The following SNX25 variants were observed in gnomAD, a reference collection of about 807,000 sequenced individuals.
SNX25 encodes sorting nexin 25, also known as sorting nexin-25.
SNX25 carries 62 observed loss-of-function variants against 113.7 expected under a neutral mutation model. The observed-to-expected ratio is 0.55, with a 90% CI of 0.44 to 0.67. The LOEUF is 0.67. SNX25 is among the 30% of genes least tolerant of loss of function. The pLI, the probability that SNX25 is intolerant of heterozygous loss-of-function variation, is 0.00. For missense variants in SNX25, 1,014 were observed against 1,161.0 expected (o/e 0.87, Z 1.84); for synonymous variants, 421 against 436.2 (o/e 0.97, Z 0.43).
chr4:185,246,439 G>A (rs1243099533), intron 1 of SNX25, among the ~76,000 whole-genome samples: 2 of 152,190 alleles, frequency 1.3e-5, no homozygotes, highest in Non-Finnish European at 1.5e-5. Context: ...TGCTTTGGCA[G>A]TCTGATGGTA....
At chr4:185,236,688 T>C (rs902456421) in intron 1 of SNX25, among the ~76,000 whole-genome samples, 8 of 152,230 alleles carry the variant, frequency 5.3e-5, no homozygotes, top group Admixed American at 4.6e-4. Context: ...GTTGTATGTA[T>C]ACCATGATCC....
At chr4:185,206,768 T>C (rs116551969), upstream of SNX25, among the ~76,000 whole-genome samples, 1,074 of 151,660 alleles carry the variant, frequency 7.1e-3, 2 homozygotes, top group Non-Finnish European at 0.011. Flanking sequence ...ATTAGAGGAA[T>C]TGGCTTACAT....
At chr4:185,215,026 C>T (rs577261555) in intron 1 of SNX25, among the ~76,000 whole-genome samples, 8 of 152,162 alleles carry the variant, frequency 5.3e-5, no homozygotes, top group African/African-American at 1.7e-4. Flanking sequence ...GTCAGGAGAT[C>T]GAGACCATCC....
intron 8 of SNX25, among the ~76,000 whole-genome samples, 166 bp downstream of exon 8, chr4:185,321,030 A>T (rs576158420): frequency 6.6e-6 from 1 of 152,344 alleles, no homozygotes; most frequent in Non-Finnish European, 1.5e-5. Flanking sequence ...AAATTACATT[A>T]TATTTTTACA....
At chr4:185,206,250 T>G (rs1233522139), upstream of SNX25, among the ~76,000 whole-genome samples, 1 of 152,228 alleles carries the variant, frequency 6.6e-6, no homozygotes, top group Non-Finnish European at 1.5e-5. Context: ...AAAACTCAAG[T>G]GTTTGTTTAT....
At chr4:185,217,841 C>T (rs1464409297) in intron 1 of SNX25, among the ~76,000 whole-genome samples, 2 of 152,266 alleles carry the variant, frequency 1.3e-5, no homozygotes, top group East Asian at 3.9e-4. Flanking sequence ...GCTGTTAGGA[C>T]TGAAATAATT....
chr4:185,317,161 A>G (rs2095080940), intron 7 of SNX25, among the ~76,000 whole-genome samples: 1 of 152,244 alleles, frequency 6.6e-6, no homozygotes, highest in Non-Finnish European at 1.5e-5. Flanking sequence ...TGGGCAAAGG[A>G]TATGAACAGA....
intron 10 of SNX25, among the ~76,000 whole-genome samples, chr4:185,337,067 T>C (rs1014707646): frequency 6.6e-6 from 1 of 152,240 alleles, no homozygotes; most frequent in African/African-American, 2.4e-5. Flanking sequence ...TATTAGTCCT[T>C]TGTTGGATGT....
chr4:185,275,342 AAAG>A (rs1323277090), intron 5 of SNX25, among the ~76,000 whole-genome samples: 8 of 152,220 alleles, frequency 5.3e-5, no homozygotes, highest in East Asian at 1.9e-4. Context: ...TTGGAGAAGA[AAAG>A]AAGATTTTTT....
At chr4:185,275,197 C>G (rs1383904743) in intron 5 of SNX25, among the ~76,000 whole-genome samples, 1 of 152,066 alleles carries the variant, frequency 6.6e-6, no homozygotes, top group African/African-American at 2.4e-5. Flanking sequence ...AGTCTTTATT[C>G]GATGTTTCAG....
intron 2 of SNX25, among the ~76,000 whole-genome samples, chr4:185,256,046 G>A (rs557602070): frequency 6.6e-6 from 1 of 152,282 alleles, no homozygotes; most frequent in Non-Finnish European, 1.5e-5. Context: ...AGCAGAACGT[G>A]ACTGAGAGTT....
chr4:185,356,146 C>CGT (rs201205930), intron 15 of SNX25, among the ~76,000 whole-genome samples: 9,459 of 150,396 alleles, frequency 0.063, 326 homozygotes, highest in South Asian at 0.091. Context: ...ATGGGGCTCG[C>CGT]GTGTGTGTGT....
chr4:185,224,378 GATATAA>G (rs1487096551), intron 1 of SNX25, among the ~76,000 whole-genome samples: 1 of 138,434 alleles, frequency 7.2e-6, no homozygotes, highest in Non-Finnish European at 1.6e-5. Context: ...AAAATATATA[GATATAA>G]ATATATAAAT....
chr4:185,233,972 C>G (rs538432959), intron 1 of SNX25, among the ~76,000 whole-genome samples: 4 of 152,266 alleles, frequency 2.6e-5, no homozygotes, highest in African/African-American at 9.6e-5. Context: ...ATTCTCCTGC[C>G]TCAGCCTCCC....
At chr4:185,218,957 G>C (rs1001872090) in intron 1 of SNX25, among the ~76,000 whole-genome samples, 10 of 152,032 alleles carry the variant, frequency 6.6e-5, no homozygotes, top group Non-Finnish European at 1.3e-4. Flanking sequence ...CTACCTTCTT[G>C]CTCTGCCACC....
chr4:185,342,913 C>T (rs895794095), intron 12 of SNX25, among the ~76,000 whole-genome samples: 13 of 152,048 alleles, frequency 8.5e-5, no homozygotes, highest in South Asian at 4.2e-4. Context: ...TTTTTTGAGA[C>T]GGAGTCCTGC....
At chr4:185,244,998 A>G (rs1744633082) in intron 1 of SNX25, among the ~76,000 whole-genome samples, 1 of 152,064 alleles carries the variant, frequency 6.6e-6, no homozygotes, top group South Asian at 2.1e-4. Flanking sequence ...GATTGATTGC[A>G]TCTGTGCTGG....
At chr4:185,256,632 T>C (rs954050538) in intron 2 of SNX25, among the ~76,000 whole-genome samples, 107 of 149,806 alleles carry the variant, frequency 7.1e-4, no homozygotes, top group African/African-American at 2.4e-3. Context: ...TTCTTTTTTT[T>C]TTTTTTTTTT....
intron 9 of SNX25, among the ~76,000 whole-genome samples, chr4:185,327,640 G>A (rs1389955961): frequency 6.6e-6 from 1 of 152,008 alleles, no homozygotes; most frequent in Admixed American, 6.5e-5. Context: ...TATTAACTTG[G>A]TTTACAGTTT....
Sources: allele counts gnomAD v4.1 joint callset (sites outside exome capture counted in the v4.1 genomes callset), GRCh38; gene constraint gnomAD v4.1.1; transcripts MANE v1.5; gene names NCBI Gene and HGNC (gene_info 2026-07-23, HGNC 2026-07-21).